Variants in UBE2E2 observed in about 807,000 individuals in gnomAD.
The protein encoded by UBE2E2 is ubiquitin conjugating enzyme E2 E2, also known as ubiquitin-conjugating enzyme E2 E2.
A neutral mutation model predicts 24.7 loss-of-function variants in UBE2E2; 6 were observed. That is an observed-to-expected ratio of 0.24 (90% confidence interval 0.13 to 0.48). The LOEUF (loss-of-function observed/expected upper bound fraction) is 0.48, where lower values mean the gene tolerates loss of function less well. UBE2E2 is among the 20% of genes least tolerant of loss of function. The pLI, the probability that UBE2E2 is intolerant of heterozygous loss-of-function variation, is 0.99. For synonymous variants in UBE2E2, 104 were observed against 83.6 expected, an observed-to-expected ratio of 1.24 and a Z score of -1.33; for missense variants, 169 against 245.0, an observed-to-expected ratio of 0.69 and a Z score of 2.07.
rs1175824293 is a variant in UBE2E2, at chr3:23,589,950, C to G, written c.*119C>G. 5.3e-6 allele frequency: 5 copies of G among 936,752 alleles called. No homozygotes were observed. The African/African-American group carries it at 8.2e-5, about 15-fold the overall frequency. The allele number at this position is 936,752 out of a possible 1,614,324, so 58.0% of individuals were successfully genotyped here. On this transcript the variant is annotated 3_prime_UTR_variant, in exon 6 of 6. Coordinates refer to ENST00000396703, the MANE Select transcript of UBE2E2 (RefSeq NM_152653.4). The surrounding 1 kb of genome is among the most constrained non-coding windows in gnomAD (Gnocchi z 4.1). ...TTTCCTATTTTTATTAAATTTGGAA[C>G]CATTTTGTGATGGTATGTTGTCCAT...
chr3:23,395,301 T>C (rs1697047930), intron 3 of UBE2E2, among the ~76,000 whole-genome samples: 1 of 152,162 alleles, frequency 6.6e-6, no homozygotes, highest in South Asian at 2.1e-4. Context: ...CGCTTTGAGG[T>C]GGAGTTTCAG....
intron 3 of UBE2E2, among the ~76,000 whole-genome samples, chr3:23,317,100 GCCT>G (rs1694603000): frequency 6.6e-6 from 1 of 152,108 alleles, no homozygotes; most frequent in Non-Finnish European, 1.5e-5. Context: ...CGCTCCTTTA[GCCT>G]CCTTGGCTGG....
intron 5 of UBE2E2, among the ~76,000 whole-genome samples, chr3:23,562,703 C>CT (rs1376432908): frequency 3.9e-5 from 6 of 151,998 alleles, no homozygotes; most frequent in African/African-American, 1.2e-4. Context: ...TGGTCCTGGA[C>CT]TTTTTTTGGT....
intron 3 of UBE2E2, among the ~76,000 whole-genome samples, chr3:23,272,021 G>A (rs1010305030): frequency 3.3e-5 from 5 of 152,190 alleles, no homozygotes; most frequent in South Asian, 2.1e-4. Context: ...AGTCCCGCAC[G>A]GCGCCTGCAC....
chr3:23,549,556 C>G (rs1361858056), intron 5 of UBE2E2, among the ~76,000 whole-genome samples: 1 of 152,166 alleles, frequency 6.6e-6, no homozygotes, highest in Non-Finnish European at 1.5e-5. Context: ...TCGGTGCCCT[C>G]ATTTGTGAAT....
intron 3 of UBE2E2, among the ~76,000 whole-genome samples, chr3:23,489,577 C>G (rs1559400361): frequency 6.6e-6 from 1 of 152,130 alleles, no homozygotes; most frequent in African/African-American, 2.4e-5. Context: ...GTGCAGAGGT[C>G]AAGGAAGAGG....
At chr3:23,269,286 T>G (rs1698164894) in intron 3 of UBE2E2, among the ~76,000 whole-genome samples, 1 of 151,888 alleles carries the variant, frequency 6.6e-6, no homozygotes, top group Non-Finnish European at 1.5e-5. Context: ...TGGGAGAAAA[T>G]TTTCACAACC....
In UBE2E2 at chr3:23,437,348, C is replaced by T. The variant is rs187784457; in HGVS notation, c.228-62260C>T. On this transcript the variant is annotated intron_variant, in intron 3 of 5. Coordinates refer to ENST00000396703, the MANE Select transcript of UBE2E2 (RefSeq NM_152653.4). ...TTTCCATGCATAGTAGGTCCCATGC[C>T]ACCCACTTAATACCTGTGTAATTTT... Among the ~76,000 whole-genome samples the T allele has an allele frequency of 1.6e-3, 245 of 152,292 alleles. 2 individuals are homozygous for T. Among genetic ancestry groups the T allele is most frequent in the Admixed American group, 8.4e-3 (129 of 15,294 alleles).
At chr3:23,446,033 T>A (rs560956096) in intron 3 of UBE2E2, among the ~76,000 whole-genome samples, 2 of 152,032 alleles carry the variant, frequency 1.3e-5, no homozygotes, top group Admixed American at 6.6e-5. Context: ...AGAAAAAAAA[T>A]AGGTCTTGTA....
intron 3 of UBE2E2, among the ~76,000 whole-genome samples, chr3:23,364,176 TTAAAAGG>T (rs769847691): frequency 1.7e-4 from 26 of 151,428 alleles, no homozygotes; most frequent in Non-Finnish European, 2.9e-4. Context: ...AAGTTAAAAG[TTAAAAGG>T]ATCTCAAGTT....
intron 3 of UBE2E2, among the ~76,000 whole-genome samples, chr3:23,321,642 G>A (rs1340912582): frequency 6.7e-6 from 1 of 148,414 alleles, no homozygotes; most frequent in East Asian, 2.0e-4. Flanking sequence ...GTGGGGGAAT[G>A]GGGGTAGTCT....
intron 5 of UBE2E2, among the ~76,000 whole-genome samples, chr3:23,580,953 C>G (rs1006226083): frequency 1.3e-5 from 2 of 152,180 alleles, no homozygotes; most frequent in African/African-American, 4.8e-5. Context: ...ATGGTAATGT[C>G]ACGTAACTTC....
At chr3:23,311,338 A>G (rs1190527000) in intron 3 of UBE2E2, among the ~76,000 whole-genome samples, 1 of 152,230 alleles carries the variant, frequency 6.6e-6, no homozygotes, top group Non-Finnish European at 1.5e-5. Context: ...GTGTCTTTAT[A>G]GCAGCATGAT....
chr3:23,454,754 A>G (rs764294397), intron 3 of UBE2E2, among the ~76,000 whole-genome samples: 5 of 152,238 alleles, frequency 3.3e-5, no homozygotes, highest in Non-Finnish European at 5.9e-5. Flanking sequence ...GCAAGATGCC[A>G]TACTATTTTT....
intron 3 of UBE2E2, among the ~76,000 whole-genome samples, chr3:23,467,668 C>T (rs972187066): frequency 6.6e-6 from 1 of 151,840 alleles, no homozygotes; most frequent in African/African-American, 2.4e-5. Flanking sequence ...GTTATGTAAC[C>T]CCACCATTTA....
intron 3 of UBE2E2, among the ~76,000 whole-genome samples, chr3:23,454,563 T>A (rs1302303722): frequency 2.0e-5 from 3 of 152,204 alleles, no homozygotes; most frequent in Non-Finnish European, 4.4e-5. Flanking sequence ...GAAGTTTTGC[T>A]TACAGTACAA....
chr3:23,341,697 CCTT>C (rs924356857), intron 3 of UBE2E2, among the ~76,000 whole-genome samples: 1 of 152,080 alleles, frequency 6.6e-6, no homozygotes, highest in African/African-American at 2.4e-5. Flanking sequence ...TCTTTCACTT[CCTT>C]CTTCTCGTTC....
At chr3:23,350,056 G>C (rs1695690225) in intron 3 of UBE2E2, among the ~76,000 whole-genome samples, 1 of 152,178 alleles carries the variant, frequency 6.6e-6, no homozygotes, top group Non-Finnish European at 1.5e-5. Flanking sequence ...GGAACGATCA[G>C]ACAGCAGCAT....
intron 5 of UBE2E2, among the ~76,000 whole-genome samples, chr3:23,545,990 T>C (rs989855490): frequency 1.3e-5 from 2 of 152,084 alleles, no homozygotes; most frequent in African/African-American, 4.8e-5. Flanking sequence ...TATGGATAAT[T>C]GGAGACTCAG....
Sources: gnomAD v4.1 joint callset for allele counts (sites outside exome capture counted in the v4.1 genomes callset) on GRCh38, gnomAD v4.1.1 for gene constraint, Gnocchi (gnomAD v3.1) non-coding constraint, MANE v1.5 for transcripts, NCBI Gene and HGNC (gene_info 2026-07-23, HGNC 2026-07-21) for gene names.